Variants in ME2 observed in about 807,000 individuals in gnomAD.
ME2 encodes NAD-dependent malic enzyme, mitochondrial.
Under a neutral mutation model 73.7 loss-of-function variants are expected in ME2, and 60 were observed. That is an observed-to-expected ratio of 0.81 (90% confidence interval 0.66 to 1.01). ME2 has a LOEUF of 1.01. Among genes scored for constraint, ME2 ranks in the 50% least tolerant of loss-of-function variants. ME2 has a pLI of 0.00. For synonymous variants in ME2, 199 were observed against 236.9 expected (o/e 0.84, Z 1.47); for missense variants, 594 against 705.5 (o/e 0.84, Z 1.79).
chr18:50,884,664 G>GGA (rs1394093420), intron 1 of ME2, among the ~76,000 whole-genome samples: 1 of 151,736 alleles, frequency 6.6e-6, no homozygotes, highest in African/African-American at 2.4e-5. Context: ...TTATTTGATA[G>GGA]GAGCAAGATT....
Position 50,879,204 on chromosome 18 carries a change from C to T in ME2, c.-117C>T, listed in dbSNP as rs949404071. 4 of 152,456 alleles carry T rather than the reference C, an allele frequency of 2.6e-5. No individual in the cohort carries two copies. Among genetic ancestry groups the T allele is most frequent in the Non-Finnish European group, 4.4e-5 (3 of 68,266 alleles). 9.4% of individuals were successfully genotyped at this position (152,456 alleles called of 1,614,324 possible). A position where few individuals can be genotyped will look rare whatever the true frequency, so the allele number is the denominator to read the frequency against. ...GCTGACGGCGGCTCCGGGAGGCTCGCAGAAGGGGAGGGCCGGGCGGCGCGG... is the reference window on the plus strand; with the variant it reads ...GCTGACGGCGGCTCCGGGAGGCTCGTAGAAGGGGAGGGCCGGGCGGCGCGG... On this transcript the variant is annotated 5_prime_UTR_variant, in exon 1 of 16. Transcript: ENST00000321341.
At chr18:50,927,358 T>C (rs1917575942) in intron 12 of ME2, among the ~76,000 whole-genome samples, 1 of 152,078 alleles carries the variant, frequency 6.6e-6, no homozygotes, top group Admixed American at 6.6e-5. Context: ...TTTTTTATAG[T>C]AGAAAAGTAT....
chr18:50,888,760 CAT>C (rs1241919719), intron 1 of ME2, among the ~76,000 whole-genome samples: 1 of 152,010 alleles, frequency 6.6e-6, no homozygotes, highest in African/African-American at 2.4e-5. Context: ...GTATCAGGGT[CAT>C]AACAATGTAT....
intron 1 of ME2, 22 bp from the exon 2 acceptor site, chr18:50,895,787 T>G (rs184265522): frequency 3.5e-5 from 52 of 1,488,958 alleles, no homozygotes; most frequent in Admixed American, 8.4e-5. Flanking sequence ...CTTCAGTGGT[T>G]TATTTGCTTT....
At chr18:50,911,591 C>T (rs570804495) in intron 3 of ME2, among the ~76,000 whole-genome samples, 7 of 152,138 alleles carry the variant, frequency 4.6e-5, no homozygotes, top group African/African-American at 1.4e-4. Flanking sequence ...GGGGAGTGGA[C>T]AGAAAAGGGC....
intron 1 of ME2, among the ~76,000 whole-genome samples, chr18:50,880,231 C>T (rs1187351022): frequency 6.6e-6 from 1 of 152,138 alleles, no homozygotes; most frequent in African/African-American, 2.4e-5. Context: ...ACTGTTACTG[C>T]CTCCACTTTA....
At chr18:50,927,398 C>A (rs1425568517) in intron 12 of ME2, among the ~76,000 whole-genome samples, 1 of 151,920 alleles carries the variant, frequency 6.6e-6, no homozygotes, top group Non-Finnish European at 1.5e-5. Flanking sequence ...GCTAAGGATT[C>A]TTTTAAAAAT....
chr18:50,946,997 T>C lies in ME2; in HGVS notation c.1588-20T>C, dbSNP rs1918098890. The C allele has an allele frequency of 1.3e-6, 2 of 1,590,956 alleles. No individual in the cohort carries two copies. Among genetic ancestry groups the C allele is most frequent in the Admixed American group, 1.7e-5 (1 of 59,662 alleles). The stretch of plus-strand genomic sequence containing the variant: ...AGGTTAATACTCAGAGCCTACACAA[T>C]AACCTTACTTATTTTTCAGGTTACA... On this transcript the variant is annotated intron_variant, in intron 15 of 15. Transcript: ENST00000321341.
In ME2 at chr18:50,908,211, G is replaced by A; in HGVS notation, c.242+15G>A. ...CCTTTGGAAAAGTAAGAGTTGCTTA[G>A]ATGTTTCTTTTTTTATTGGTATTCT... On this transcript the variant is annotated intron_variant, in intron 3 of 15. Coordinates refer to ENST00000321341, the MANE Select transcript of ME2 (RefSeq NM_002396.5). 3.2e-6 allele frequency: 5 copies of A among 1,556,680 alleles called. No homozygotes were observed. The highest frequency in any genetic ancestry group is 4.3e-6 in the Non-Finnish European group (5 of 1,155,188).
chr18:50,927,702 A>G (rs1411744469), intron 12 of ME2, among the ~76,000 whole-genome samples: 7 of 130,794 alleles, frequency 5.4e-5, no homozygotes, highest in Non-Finnish European at 1.1e-4. Context: ...ACTCCATCTC[A>G]AAAAAAACCC....
intron 12 of ME2, among the ~76,000 whole-genome samples, chr18:50,927,751 T>TATACAC (rs1316314513): frequency 2.8e-4 from 35 of 123,288 alleles, no homozygotes; most frequent in African/African-American, 7.4e-4. Flanking sequence ...TATATATATA[T>TATACAC]ACACACCACA....
intron 1 of ME2, among the ~76,000 whole-genome samples, chr18:50,882,775 C>G (rs976320032): frequency 6.6e-6 from 1 of 152,020 alleles, no homozygotes; most frequent in Non-Finnish European, 1.5e-5. Context: ...ATGGTGAAAC[C>G]CCGTCTCTAC....
At chr18:50,945,958 T>G (rs1479144262) in intron 15 of ME2, among the ~76,000 whole-genome samples, 3 of 152,046 alleles carry the variant, frequency 2.0e-5, no homozygotes, top group Admixed American at 1.3e-4. Flanking sequence ...TCCCAGCTAC[T>G]GGGGAGGCTG....
Position 50,920,549 on chromosome 18 carries a change from CAAT to C in ME2, c.829_831del (p.Asn277del). 1 of 1,588,124 alleles carries C rather than the reference CAAT, an allele frequency of 6.3e-7. No individual in the cohort carries two copies. Among genetic ancestry groups the C allele is most frequent in the Non-Finnish European group, 8.5e-7 (1 of 1,171,970 alleles). ...AGTACCGAGAAAAATATTGTACTTT[CAAT>C]GATGATATTCAAGGTAAAGCAAAAA... On this transcript the variant is annotated inframe_deletion, in exon 8 of 16. Coordinates refer to ENST00000321341, the MANE Select transcript of ME2 (RefSeq NM_002396.5).
chr18:50,912,012 A>G (rs952909795), intron 3 of ME2, among the ~76,000 whole-genome samples: 1 of 152,172 alleles, frequency 6.6e-6, no homozygotes, highest in Non-Finnish European at 1.5e-5. Context: ...TTTGAAAGCT[A>G]CTTAGCAGGT....
chr18:50,944,848 A>ATATT (rs1410602553), intron 15 of ME2, among the ~76,000 whole-genome samples: 1 of 151,720 alleles, frequency 6.6e-6, no homozygotes, highest in Non-Finnish European at 1.5e-5. Flanking sequence ...TTATAAATTT[A>ATATT]TATTTATTTA....
intron 13 of ME2, 49 bp downstream of exon 13, chr18:50,932,409 A>T: frequency 7.0e-7 from 1 of 1,419,548 alleles, no homozygotes; most frequent in East Asian, 2.3e-5. Flanking sequence ...AATTATGTAA[A>T]AATACTTAAT....
At chr18:50,893,500 G>A (rs935873843) in intron 1 of ME2, among the ~76,000 whole-genome samples, 7 of 152,178 alleles carry the variant, frequency 4.6e-5, no homozygotes, top group African/African-American at 1.7e-4. Flanking sequence ...ATTTGTTAGA[G>A]TTTGATGCCT....
rs1203365128 is a variant in ME2, at chr18:50,916,199, C to A, written c.424C>A (p.His142Asn). 2 of 1,612,244 alleles carry A rather than the reference C, an allele frequency of 1.2e-6. No individual in the cohort carries two copies. Among genetic ancestry groups the A allele is most frequent in the Non-Finnish European group, 1.7e-6 (2 of 1,179,096 alleles). ...ATTTATTTCGATCTCAGACAGAGGT[C>A]ATGTTAGATCAATTGTGGATAACTG... ...GLFISISDRG[H>N]VRSIVDNWPE... Residue 142 changes from histidine to asparagine, a missense_variant, in exon 5 of 16, where the codon CAT (histidine) becomes AAT (asparagine). By Grantham distance (68) the His-to-Asn change is moderately conservative. Coordinates refer to ENST00000321341, the MANE Select transcript of ME2 (RefSeq NM_002396.5).
Sources: allele counts gnomAD v4.1 joint callset (sites outside exome capture counted in the v4.1 genomes callset), GRCh38; gene constraint gnomAD v4.1.1; transcripts MANE v1.5; gene names NCBI Gene and HGNC (gene_info 2026-07-23, HGNC 2026-07-21).